EIF2AK2: variants seen among roughly 807,000 people sequenced by gnomAD.
EIF2AK2 encodes eukaryotic translation initiation factor 2 alpha kinase 2.
A neutral mutation model predicts 70.5 loss-of-function variants in EIF2AK2; 40 were observed. That is an observed-to-expected ratio of 0.57 (90% confidence interval 0.44 to 0.74). EIF2AK2 has a LOEUF of 0.74. Among genes scored for constraint, EIF2AK2 ranks in the 30% least tolerant of loss-of-function variants. The pLI is 0.00. For synonymous variants in EIF2AK2, 198 were observed against 220.9 expected (o/e 0.90, Z 0.92); for missense variants, 555 against 644.3 (o/e 0.86, Z 1.50).
intron 10 of EIF2AK2, among the ~76,000 whole-genome samples, chr2:37,131,527 C>G (rs1674938730): frequency 6.6e-6 from 1 of 152,146 alleles, no homozygotes; most frequent in Non-Finnish European, 1.5e-5. Context: ...CACATGCAAG[C>G]CCTACATTCA....
At chr2:37,148,567 A>G in intron 2 of EIF2AK2, 1 of 772,840 alleles carries the variant, frequency 1.3e-6, no homozygotes, top group South Asian at 1.4e-5. Context: ...TTCGTACTAC[A>G]AATGAGTGCC....
chr2:37,112,751 T>C (rs1674203277), intron 14 of EIF2AK2, among the ~76,000 whole-genome samples: 1 of 152,222 alleles, frequency 6.6e-6, no homozygotes, highest in Non-Finnish European at 1.5e-5. Context: ...TATTTTATTG[T>C]GGTAAAATAG....
intron 14 of EIF2AK2, among the ~76,000 whole-genome samples, chr2:37,111,879 ATATATAT>A (rs1275561721): frequency 4.6e-3 from 189 of 41,140 alleles, no homozygotes; most frequent in East Asian, 6.7e-3. Flanking sequence ...AAAAAAAAAA[ATATATAT>A]ATATATATAT....
chr2:37,114,753 A>G lies in EIF2AK2; in HGVS notation c.1355T>C (p.Leu452Ser). The change falls in exon 14 of 17, where the codon TTG becomes TCG. Residue 452 changes from leucine (L) to serine (S), a missense_variant. Physicochemically the swap from Leu to Ser is moderately radical, Grantham distance 145. Transcript: ENST00000233057. ...DGKRTRSKGT[L>S]RYMSPEQISS... is the part of the protein sequence containing the mutation. The stretch of plus-strand genomic sequence containing the variant: ...TACCTGTTCTGGGCTCATGTATCGC[A>G]AAGTTCCCTTACTCCTTGTTCGCTT... 1 of 1,595,950 alleles carries G rather than the reference A, an allele frequency of 6.3e-7. No homozygotes were observed. Among genetic ancestry groups the G allele is most frequent in the Non-Finnish European group, 8.5e-7 (1 of 1,172,614 alleles).
Position 37,148,847 on chromosome 2 carries a change from C to T in EIF2AK2, c.-17+10G>A. On this transcript the variant is annotated intron_variant, in intron 2 of 16. Transcript: ENST00000233057. ...TTTTCTGAGTGCAAAATTCGGAAGACCGCTTGTACCTGGTTGGAAGCTTTG... is the reference window on the plus strand; with the variant it reads ...TTTTCTGAGTGCAAAATTCGGAAGATCGCTTGTACCTGGTTGGAAGCTTTG... 1.2e-6 allele frequency: 1 copy of T among 842,550 alleles called. No individual in the cohort carries two copies. Among genetic ancestry groups the T allele is most frequent in the Admixed American group, 1.7e-5 (1 of 58,474 alleles). The allele number at this position is 842,550 out of a possible 1,614,324, so 52.2% of individuals were successfully genotyped here. A position where few individuals can be genotyped will look rare whatever the true frequency, so the allele number is the denominator to read the frequency against.
At chr2:37,155,863 C>T (rs1165740183) in intron 1 of EIF2AK2, among the ~76,000 whole-genome samples, 1 of 151,118 alleles carries the variant, frequency 6.6e-6, no homozygotes, top group East Asian at 1.9e-4. Context: ...ATCGCTTGAA[C>T]CTGAGAGGCA....
intron 10 of EIF2AK2, among the ~76,000 whole-genome samples, chr2:37,127,676 C>G (rs889110956): frequency 6.6e-6 from 1 of 152,104 alleles, no homozygotes; most frequent in East Asian, 1.9e-4. Flanking sequence ...CGCCTCACCC[C>G]TGCTTCCATT....
chr2:37,149,706 G>A (rs1158597078), intron 1 of EIF2AK2, among the ~76,000 whole-genome samples: 4 of 152,150 alleles, frequency 2.6e-5, no homozygotes, highest in African/African-American at 4.8e-5. Flanking sequence ...AGTAATTACA[G>A]GAAGTACAAA....
Position 37,102,998 on chromosome 2 carries a change from A to T in EIF2AK2, c.*4275T>A, listed in dbSNP as rs1673863402. 8.2e-6 allele frequency: 1 copy of T among 121,878 alleles called. No homozygotes were observed. The highest frequency in any genetic ancestry group is 1.7e-5 in the Non-Finnish European group (1 of 58,212). The allele number at this position is 121,878 out of a possible 1,614,324, so 7.5% of individuals were successfully genotyped here. A position where few individuals can be genotyped will look rare whatever the true frequency, so the allele number is the denominator to read the frequency against. On this transcript the variant is annotated 3_prime_UTR_variant, in exon 17 of 17. Transcript: ENST00000233057. ...GCAATTATATTAAAATGGCTCTCAAAATTTCTGTGTGTGTGTGTGTGTGTG... is the reference window on the plus strand; with the variant it reads ...GCAATTATATTAAAATGGCTCTCAATATTTCTGTGTGTGTGTGTGTGTGTG...
intron 1 of EIF2AK2, among the ~76,000 whole-genome samples, chr2:37,150,767 G>C (rs896796494): frequency 6.6e-6 from 1 of 152,148 alleles, no homozygotes; most frequent in Non-Finnish European, 1.5e-5. Flanking sequence ...AAAGTGAAGT[G>C]TATGAAATCA....
At chr2:37,141,752 C>G in intron 4 of EIF2AK2, 51 bp from the exon 5 acceptor site, 1 of 1,508,314 alleles carries the variant, frequency 6.6e-7, no homozygotes, top group East Asian at 2.4e-5. Flanking sequence ...AAAGATTTAA[C>G]CTTTTAAAAA....
intron 12 of EIF2AK2, among the ~76,000 whole-genome samples, chr2:37,121,617 A>ATTTT (rs34031780): frequency 1.6e-5 from 2 of 122,168 alleles, no homozygotes; most frequent in African/African-American, 3.0e-5. Flanking sequence ...TGGAGGCTTG[A>ATTTT]TTTTTTTTTT....
At chr2:37,145,786 T>G in intron 4 of EIF2AK2, among the ~76,000 whole-genome samples, 1 of 105,794 alleles carries the variant, frequency 9.5e-6, no homozygotes. Flanking sequence ...TTTTTTGAGA[T>G]AGGATCCCCA....
intron 14 of EIF2AK2, 40 bp downstream of exon 14, chr2:37,114,691 A>G: frequency 1.4e-6 from 2 of 1,469,540 alleles, no homozygotes; most frequent in Non-Finnish European, 9.0e-7. Context: ...TTTTCAAAAT[A>G]AAAGAAGTAA....
intron 6 of EIF2AK2, among the ~76,000 whole-genome samples, chr2:37,138,949 C>A (rs1026215329): frequency 1.3e-5 from 2 of 151,554 alleles, no homozygotes; most frequent in Non-Finnish European, 2.9e-5. Flanking sequence ...GTACATGCCA[C>A]CACACCCGTC....
chr2:37,126,401 C>A lies in EIF2AK2; in HGVS notation c.796G>T (p.Asp266Tyr), dbSNP rs754256553. Residue 266 changes from aspartate (D) to tyrosine (Y), a missense_variant, in exon 11 of 17, where the codon GAT (aspartate) becomes TAT (tyrosine). Transcript: ENST00000233057. ...CCAATTAATTCTATTTCTTTAAAATCCATGCCAAACCTTAAAGATAAAAAC... is the reference window on the plus strand; with the variant it reads ...CCAATTAATTCTATTTCTTTAAAATACATGCCAAACCTTAAAGATAAAAAC... ...KYTVDKRFGM[D>Y]FKEIELIGSG... 1.2e-6 allele frequency: 2 copies of A among 1,605,148 alleles called. No individual in the cohort carries two copies. The highest frequency in any genetic ancestry group is 1.7e-6 in the Non-Finnish European group (2 of 1,177,614).
chr2:37,148,752 G>C, intron 2 of EIF2AK2, 105 bp downstream of exon 2: 1 of 836,334 alleles, frequency 1.2e-6, no homozygotes, highest in Non-Finnish European at 2.1e-6. Context: ...AAGTCGTGTT[G>C]TGACCCATTT....
chr2:37,151,246 CA>C (rs1048365528), intron 1 of EIF2AK2, among the ~76,000 whole-genome samples: 15 of 151,910 alleles, frequency 9.9e-5, no homozygotes, highest in South Asian at 2.1e-4. Flanking sequence ...AGCTCAACAA[CA>C]AAAAGACAAA....
At chr2:37,127,585 C>T (rs924815121) in intron 10 of EIF2AK2, among the ~76,000 whole-genome samples, 1 of 152,076 alleles carries the variant, frequency 6.6e-6, no homozygotes, top group Admixed American at 6.6e-5. Context: ...TTCTCATACG[C>T]CCTTCCTTCC....
Sources: gnomAD v4.1 joint callset for allele counts (sites outside exome capture counted in the v4.1 genomes callset) on GRCh38, gnomAD v4.1.1 for gene constraint, MANE v1.5 for transcripts, NCBI Gene and HGNC (gene_info 2026-07-23, HGNC 2026-07-21) for gene names.